The following PELI2 variants were observed in gnomAD, a reference collection of about 807,000 sequenced individuals.
PELI2 encodes E3 ubiquitin-protein ligase pellino homolog 2.
In PELI2, 23 loss-of-function variants were observed where a neutral mutation model predicts 42.3. That is an observed-to-expected ratio of 0.54 (90% confidence interval 0.39 to 0.77). The LOEUF is 0.77. Ranked by LOEUF, PELI2 falls within the 30% of genes least tolerant of loss-of-function variation. The pLI is 0.00. For missense variants in PELI2, 463 were observed against 553.2 expected (o/e 0.84, Z 1.64); for synonymous variants, 245 against 212.2 (o/e 1.15, Z -1.34).
chr14:56,168,649 G>A (rs1885054185), intron 1 of PELI2, among the ~76,000 whole-genome samples: 1 of 152,020 alleles, frequency 6.6e-6, no homozygotes, highest in South Asian at 2.1e-4. Context: ...CCAAGATTCT[G>A]CTTGGTGCTC....
rs541248281 is a variant in PELI2 at position 56,301,345 on chromosome 14, T to C, written c.*4179T>C. On this transcript the variant is annotated 3_prime_UTR_variant, in exon 6 of 6. Transcript: ENST00000267460. ...TCAGATTCTGTGGTTGTCACTGAGT[T>C]CATTAGGACATTTAGTAGGTTGATA... is the stretch of plus-strand genomic sequence containing the variant. 3.3e-5 allele frequency: 5 copies of C among 152,760 alleles called. No homozygotes were observed. In the East Asian group the frequency reaches 7.7e-4, roughly 24 times the overall value. The allele number at this position is 152,760 out of a possible 1,614,324, so 9.5% of individuals were successfully genotyped here.
intron 2 of PELI2, among the ~76,000 whole-genome samples, chr14:56,184,744 A>C (rs918341938): frequency 6.6e-6 from 1 of 152,102 alleles, no homozygotes; most frequent in African/African-American, 2.4e-5. Context: ...GTATTATGTG[A>C]TGGGAAAATC....
Position 56,167,921 on chromosome 14 carries a change from C to G in PELI2, c.78-10414C>G, listed in dbSNP as rs530335613. On this transcript the variant is annotated intron_variant, in intron 1 of 5. Transcript: ENST00000267460. The stretch of plus-strand genomic sequence containing the variant: ...AGTAACACTGTGGTTCTTGGAGACT[C>G]AGAGAGAAACTGCCTTGATGGTGTT... Among the ~76,000 whole-genome samples, 444 of 152,280 alleles carry G rather than the reference C, an allele frequency of 2.9e-3. 1 individual carries two copies. Among genetic ancestry groups the G allele is most frequent in the African/African-American group, 0.01 (424 of 41,520 alleles).
chr14:56,152,334 A>G (rs1884392639), intron 1 of PELI2, among the ~76,000 whole-genome samples: 1 of 152,178 alleles, frequency 6.6e-6, no homozygotes, highest in Admixed American at 6.5e-5. Context: ...TCACGGGGTT[A>G]TAGGGGAGGA....
intron 2 of PELI2, among the ~76,000 whole-genome samples, chr14:56,266,756 G>A (rs1235785164): frequency 6.6e-6 from 1 of 152,022 alleles, no homozygotes; most frequent in Non-Finnish European, 1.5e-5. Flanking sequence ...TTGTCCTATA[G>A]ATATATTTCC....
chr14:56,143,874 C>T (rs1464599765), intron 1 of PELI2, among the ~76,000 whole-genome samples: 1 of 152,138 alleles, frequency 6.6e-6, no homozygotes, highest in Non-Finnish European at 1.5e-5. Context: ...TTTCACAGAG[C>T]CTCATTTCCT....
intron 2 of PELI2, among the ~76,000 whole-genome samples, chr14:56,253,066 T>C (rs1717247463): frequency 1.3e-5 from 2 of 152,210 alleles, no homozygotes; most frequent in South Asian, 4.1e-4. Context: ...TCAATAAACG[T>C]AATCCATCAC....
At chr14:56,277,947 T>C (rs1021938381) in intron 2 of PELI2, among the ~76,000 whole-genome samples, 4 of 152,162 alleles carry the variant, frequency 2.6e-5, no homozygotes, top group Non-Finnish European at 4.4e-5. Context: ...TGTACAAAAA[T>C]GTATAACCTT....
chr14:56,275,293 A>C (rs1157110271), intron 2 of PELI2, among the ~76,000 whole-genome samples: 1 of 152,210 alleles, frequency 6.6e-6, no homozygotes, highest in African/African-American at 2.4e-5. Context: ...TTTTGGCACC[A>C]GGGACCAGTT....
At chr14:56,223,050 T>C (rs887740962) in intron 2 of PELI2, among the ~76,000 whole-genome samples, 1 of 152,166 alleles carries the variant, frequency 6.6e-6, no homozygotes, top group Non-Finnish European at 1.5e-5. Flanking sequence ...AGCCGACCCC[T>C]GTTCAAGGCC....
chr14:56,169,776 C>G (rs1265676211), intron 1 of PELI2, among the ~76,000 whole-genome samples: 4 of 152,132 alleles, frequency 2.6e-5, no homozygotes, highest in Non-Finnish European at 5.9e-5. Flanking sequence ...ATTGCTCCGC[C>G]TCCTCCTATA....
chr14:56,161,334 G>A (rs2139640073), intron 1 of PELI2, among the ~76,000 whole-genome samples: 1 of 150,604 alleles, frequency 6.6e-6, no homozygotes, highest in East Asian at 2.0e-4. Flanking sequence ...TTTTGAAACA[G>A]TCTAGCTTTG....
At chr14:56,278,683 T>TA (rs1889377600) in intron 2 of PELI2, among the ~76,000 whole-genome samples, 1 of 152,220 alleles carries the variant, frequency 6.6e-6, no homozygotes, top group African/African-American at 2.4e-5. Flanking sequence ...TGTAAGGAAT[T>TA]ACATTAGTCA....
At chr14:56,233,769 C>G (rs1887677857) in intron 2 of PELI2, among the ~76,000 whole-genome samples, 1 of 151,856 alleles carries the variant, frequency 6.6e-6, no homozygotes, top group Non-Finnish European at 1.5e-5. Context: ...TCTAATTAAA[C>G]TAAAGAGCTT....
chr14:56,289,615 CA>C (rs989406573), intron 4 of PELI2, among the ~76,000 whole-genome samples: 3 of 152,026 alleles, frequency 2.0e-5, no homozygotes, highest in Non-Finnish European at 4.4e-5. Context: ...CACCACCCCC[CA>C]ACCCCCGCCC....
chr14:56,247,672 T>C lies in PELI2; in HGVS notation c.208-32004T>C, dbSNP rs531922345. ...CATGGATTAACACAAGACAGAATTCTGTAGTTGCCACCAGAGGGCTCCTGT... is the reference window on the plus strand; with the variant it reads ...CATGGATTAACACAAGACAGAATTCCGTAGTTGCCACCAGAGGGCTCCTGT... On this transcript the variant is annotated intron_variant, in intron 2 of 5. Coordinates refer to ENST00000267460, the MANE Select transcript of PELI2 (RefSeq NM_021255.3). Among the ~76,000 whole-genome samples the C allele has an allele frequency of 3.3e-5, 5 of 152,350 alleles. No individual in the cohort carries two copies. The East Asian group carries it at 9.6e-4, about 29-fold the overall frequency.
intron 1 of PELI2, among the ~76,000 whole-genome samples, chr14:56,155,948 A>G (rs576155770): frequency 2.0e-5 from 3 of 152,250 alleles, no homozygotes; most frequent in South Asian, 4.1e-4. Context: ...TTTTTCAGCA[A>G]TTAGTACCCC....
At chr14:56,161,734 A>T (rs72714364) in intron 1 of PELI2, among the ~76,000 whole-genome samples, 14,160 of 151,954 alleles carry the variant, frequency 0.093, 825 homozygotes, top group Non-Finnish European at 0.13. Flanking sequence ...ATATATATAT[A>T]TTTTTTTTCA....
intron 2 of PELI2, among the ~76,000 whole-genome samples, chr14:56,247,434 A>G (rs1256791926): frequency 1.3e-5 from 2 of 152,224 alleles, no homozygotes; most frequent in East Asian, 3.9e-4. Context: ...CTGCTTGAGC[A>G]TAGATCTTTA....
Sources: gnomAD v4.1 joint callset for allele counts (sites outside exome capture counted in the v4.1 genomes callset) on GRCh38, gnomAD v4.1.1 for gene constraint, MANE v1.5 for transcripts, NCBI Gene and HGNC (gene_info 2026-07-23, HGNC 2026-07-21) for gene names.